The following NAALADL2 variants were observed in gnomAD, a reference collection of about 807,000 sequenced individuals.
NAALADL2 encodes inactive N-acetylated-alpha-linked acidic dipeptidase-like protein 2.
NAALADL2 carries 76 observed loss-of-function variants against 87.2 expected under a neutral mutation model. The observed-to-expected ratio is 0.87, with a 90% CI of 0.72 to 1.05. The LOEUF (loss-of-function observed/expected upper bound fraction) is 1.05. Among genes scored for constraint, NAALADL2 ranks in the 50% least tolerant of loss-of-function variants. The pLI, the probability that NAALADL2 is intolerant of heterozygous loss-of-function variation, is 0.00. For synonymous variants in NAALADL2, 354 were observed against 331.0 expected (o/e 1.07, Z -0.75); for missense variants, 1,089 against 945.8 (o/e 1.15, Z -1.99).
At chr3:175,335,256 T>A (rs1487384088) in intron 5 of NAALADL2, among the ~76,000 whole-genome samples, 1 of 152,226 alleles carries the variant, frequency 6.6e-6, no homozygotes, top group East Asian at 1.9e-4. Context: ...ACCAGTCATA[T>A]TTGAAGTGTT....
intron 2 of NAALADL2, among the ~76,000 whole-genome samples, chr3:174,692,340 C>T (rs1028829345): frequency 1.3e-5 from 2 of 152,100 alleles, no homozygotes; most frequent in Non-Finnish European, 2.9e-5. Flanking sequence ...TTTTGGATCA[C>T]GCATAATGAG....
At chr3:174,959,417 G>A (rs1322517353) in intron 1 of NAALADL2, among the ~76,000 whole-genome samples, 2 of 151,972 alleles carry the variant, frequency 1.3e-5, no homozygotes, top group Non-Finnish European at 2.9e-5. Flanking sequence ...GCTGCCCACA[G>A]GCTCTGGAAA....
rs1431275391 is a variant in NAALADL2 at position 175,808,892 on chromosome 3, A to T, written c.*5689A>T. ...ATGAACTACATATATTTTTCAATCA[A>T]AATGTGTAATTATTTAATTATCTAG... On this transcript the variant is annotated 3_prime_UTR_variant, in exon 14 of 14. Coordinates refer to ENST00000454872, the MANE Select transcript of NAALADL2 (RefSeq NM_207015.3). 1.3e-5 allele frequency: 2 copies of T among 151,966 alleles called. No homozygotes were observed. Among genetic ancestry groups the T allele is most frequent in the African/African-American group, 4.8e-5 (2 of 41,412 alleles). 9.4% of individuals were successfully genotyped at this position (151,966 alleles called of 1,614,324 possible). A position where few individuals can be genotyped will look rare whatever the true frequency, so the allele number is the denominator to read the frequency against.
At chr3:174,783,260 G>C (rs1426369389) in intron 3 of NAALADL2, among the ~76,000 whole-genome samples, 1 of 152,112 alleles carries the variant, frequency 6.6e-6, no homozygotes, top group African/African-American at 2.4e-5. Flanking sequence ...GTGGGGTAGA[G>C]GTATTTAGTA....
At chr3:175,160,472 C>T (rs1360698090) in intron 2 of NAALADL2, among the ~76,000 whole-genome samples, 1 of 146,524 alleles carries the variant, frequency 6.8e-6, no homozygotes, top group South Asian at 2.2e-4. Flanking sequence ...CCTGCCTCAG[C>T]CTCCTAAGTA....
chr3:174,990,660 G>T (rs558326100), intron 1 of NAALADL2, among the ~76,000 whole-genome samples: 1 of 152,088 alleles, frequency 6.6e-6, no homozygotes, highest in Non-Finnish European at 1.5e-5. Context: ...TCTAAAGCTC[G>T]AAACAGATAT....
intron 9 of NAALADL2, among the ~76,000 whole-genome samples, chr3:175,533,703 G>C (rs536750000): frequency 6.6e-6 from 1 of 152,258 alleles, no homozygotes; most frequent in African/African-American, 2.4e-5. Flanking sequence ...GAGGCTGTGC[G>C]TGCACCTTTC....
chr3:174,491,630 G>C (rs1475138096), intron 1 of NAALADL2, among the ~76,000 whole-genome samples: 1 of 152,032 alleles, frequency 6.6e-6, no homozygotes, highest in Admixed American at 6.6e-5. Context: ...GCCATCAAAG[G>C]AATTCGTTAT....
At chr3:175,371,301 T>C (rs1581623844) in intron 5 of NAALADL2, among the ~76,000 whole-genome samples, 1 of 152,028 alleles carries the variant, frequency 6.6e-6, no homozygotes, top group Non-Finnish European at 1.5e-5. Context: ...GAGTACTCGC[T>C]CTTTCGCCCA....
At chr3:174,634,601 A>G (rs989831875) in intron 2 of NAALADL2, among the ~76,000 whole-genome samples, 3 of 152,192 alleles carry the variant, frequency 2.0e-5, no homozygotes, top group Admixed American at 2.0e-4. Flanking sequence ...GATCCCCATC[A>G]TGACCTTAGA....
At chr3:175,680,144 T>C (rs954497121) in intron 11 of NAALADL2, among the ~76,000 whole-genome samples, 8 of 152,206 alleles carry the variant, frequency 5.3e-5, no homozygotes, top group Non-Finnish European at 1.2e-4. Context: ...ATTTTAACCG[T>C]AATATCCCAT....
At chr3:175,591,767 G>GGTGTGTGTGT (rs1277057893) in intron 10 of NAALADL2, among the ~76,000 whole-genome samples, 2 of 45,372 alleles carry the variant, frequency 4.4e-5, no homozygotes, top group African/African-American at 1.3e-4. Context: ...ATGCGCATGT[G>GGTGTGTGTGT]GTGTGTGTGT....
chr3:174,730,621 G>A (rs1358070217), intron 2 of NAALADL2, among the ~76,000 whole-genome samples: 1 of 151,996 alleles, frequency 6.6e-6, no homozygotes, highest in African/African-American at 2.4e-5. Flanking sequence ...TTAAGACTAG[G>A]AAATAATGTG....
intron 10 of NAALADL2, among the ~76,000 whole-genome samples, chr3:175,585,099 CTT>C (rs1332284872): frequency 1.3e-5 from 2 of 151,588 alleles, no homozygotes; most frequent in African/African-American, 4.8e-5. Context: ...AAAATATTTT[CTT>C]GTTTGCTATC....
chr3:175,636,447 C>G (rs886247034), intron 11 of NAALADL2, among the ~76,000 whole-genome samples: 3 of 151,908 alleles, frequency 2.0e-5, no homozygotes, highest in African/African-American at 7.3e-5. Context: ...GCTTGTAATC[C>G]CAGAATTTTG....
At chr3:175,096,614 C>G (rs556651661) in intron 1 of NAALADL2, among the ~76,000 whole-genome samples, 176 bp from the exon 2 acceptor site, 1 of 151,416 alleles carries the variant, frequency 6.6e-6, no homozygotes, top group Non-Finnish European at 1.5e-5. Context: ...CCTATGGTAA[C>G]ATCAACAGAA....
chr3:174,784,707 G>A (rs1716391282), intron 3 of NAALADL2, among the ~76,000 whole-genome samples: 1 of 152,158 alleles, frequency 6.6e-6, no homozygotes, highest in African/African-American at 2.4e-5. Flanking sequence ...CTCCTTATCC[G>A]TTGGACCAAA....
intron 2 of NAALADL2, among the ~76,000 whole-genome samples, chr3:174,712,087 C>G (rs751854887): frequency 6.6e-6 from 1 of 151,984 alleles, no homozygotes; most frequent in Non-Finnish European, 1.5e-5. Context: ...GCGCCCTGGC[C>G]TAACATATGA....
At chr3:175,510,347 G>A (rs576356538) in intron 9 of NAALADL2, among the ~76,000 whole-genome samples, 2 of 152,188 alleles carry the variant, frequency 1.3e-5, no homozygotes, top group African/African-American at 2.4e-5. Context: ...TTTGGGTGGA[G>A]ACACAGCCAA....
Sources: allele counts gnomAD v4.1 joint callset (sites outside exome capture counted in the v4.1 genomes callset), GRCh38; gene constraint gnomAD v4.1.1; transcripts MANE v1.5; gene names NCBI Gene and HGNC (gene_info 2026-07-23, HGNC 2026-07-21).